KIT: variants seen among roughly 807,000 people sequenced by gnomAD.
KIT encodes the protein mast/stem cell growth factor receptor Kit.
A neutral mutation model predicts 105.7 loss-of-function variants in KIT; 16 were observed. That is an observed-to-expected ratio of 0.15 (90% CI 0.10 to 0.23). The LOEUF is 0.23. Among genes scored for constraint, KIT ranks in the 10% least tolerant of loss-of-function variants. The pLI, the probability that KIT is intolerant of heterozygous loss-of-function variation, is 1.00. For synonymous variants in KIT, 438 were observed against 441.1 expected, an observed-to-expected ratio of 0.99 and a Z score of 0.09; for missense variants, 858 against 1,213.8, an observed-to-expected ratio of 0.71 and a Z score of 4.36.
At chr4:54,715,133 G>C (rs1239077757) in intron 7 of KIT, among the ~76,000 whole-genome samples, 1 of 152,148 alleles carries the variant, frequency 6.6e-6, no homozygotes, top group Non-Finnish European at 1.5e-5. Flanking sequence ...ACCAAAATCA[G>C]CCAAAGCAAT....
chr4:54,658,062 A>G lies in KIT; in HGVS notation c.48A>G (p.Leu16=), dbSNP rs1560366710. 6.2e-7 allele frequency: 1 copy of G among 1,613,778 alleles called. No individual in the cohort carries two copies. The highest frequency in any genetic ancestry group is 8.5e-7 in the Non-Finnish European group (1 of 1,179,852). ...GGGATTTTCTCTGCGTTCTGCTCCT[A>G]CTGCTTCGCGTCCAGACAGGTGGGA... is the stretch of plus-strand genomic sequence containing the variant. ...GAWDFLCVLL[L]LLRVQTGSSQ... The change falls in exon 1 of 21, where the codon CTA becomes CTG. Residue 16 remains leucine (L), a synonymous_variant. Transcript: ENST00000288135.
chr4:54,688,784 C>G (rs1022511558), intron 1 of KIT, among the ~76,000 whole-genome samples: 8 of 151,984 alleles, frequency 5.3e-5, no homozygotes, highest in African/African-American at 1.9e-4. Flanking sequence ...TGGTTAAACA[C>G]TATGTGAACT....
At chr4:54,692,658 T>C (rs914531621) in intron 1 of KIT, among the ~76,000 whole-genome samples, 1 of 152,178 alleles carries the variant, frequency 6.6e-6, no homozygotes, top group African/African-American at 2.4e-5. Context: ...AATAATAGCA[T>C]CTCTATTGCT....
At chr4:54,690,871 A>G (rs1438734974) in intron 1 of KIT, among the ~76,000 whole-genome samples, 2 of 152,376 alleles carry the variant, frequency 1.3e-5, no homozygotes, top group East Asian at 3.9e-4. Flanking sequence ...CAATTTAAAA[A>G]AGAGAATAAA....
chr4:54,708,982 G>A (rs1476611110), intron 6 of KIT, among the ~76,000 whole-genome samples: 2 of 152,118 alleles, frequency 1.3e-5, no homozygotes, highest in East Asian at 3.9e-4. Flanking sequence ...TGAGCAGTGT[G>A]GACCTCGCTG....
chr4:54,734,843 C>T (rs937570041), intron 17 of KIT, among the ~76,000 whole-genome samples: 1 of 152,026 alleles, frequency 6.6e-6, no homozygotes, highest in African/African-American at 2.4e-5. Flanking sequence ...TTTTCAACGC[C>T]TATGATGAAA....
intron 11 of KIT, 72 bp downstream of exon 11, chr4:54,727,614 T>G: frequency 6.3e-7 from 1 of 1,579,750 alleles, no homozygotes; most frequent in Non-Finnish European, 8.7e-7. Flanking sequence ...GGAACTCCAG[T>G]GGCTTCCTTT....
chr4:54,695,996 G>A, intron 2 of KIT: 2 of 605,414 alleles, frequency 3.3e-6, no homozygotes, highest in Non-Finnish European at 2.9e-6. Context: ...GCAGGACTGT[G>A]ATACTCTTCC....
At chr4:54,736,684 C>T in intron 18 of KIT, 37 bp from the exon 19 acceptor site, 1 of 1,605,688 alleles carries the variant, frequency 6.2e-7, no homozygotes, top group African/African-American at 1.3e-5. Context: ...TGTCCTGCTT[C>T]CTTGTGATTA....
chr4:54,727,609 T>C, intron 11 of KIT, 67 bp downstream of exon 11: 9 of 1,583,876 alleles, frequency 5.7e-6, no homozygotes, highest in Non-Finnish European at 7.8e-6. Flanking sequence ...TTTAAGGAAC[T>C]CCAGTGGCTT....
chr4:54,665,845 C>G (rs1234860233), intron 1 of KIT, among the ~76,000 whole-genome samples: 2 of 152,022 alleles, frequency 1.3e-5, no homozygotes, highest in African/African-American at 4.8e-5. Context: ...AACTAAACCC[C>G]AAAGTCACAA....
chr4:54,707,267 T>A lies in KIT; in HGVS notation c.1095T>A (p.Ser365=), dbSNP rs142963781. ...FTDKWEDYPK[S]ENESNIRYVS... is the part of the protein sequence containing the mutation. ...ATAAATGGGAAGATTATCCCAAGTC[T>A]GAGAATGAAAGTAATATCAGGTAAG... Residue 365 remains serine (S), a synonymous_variant, in exon 6 of 21, where the codon TCT becomes TCA. Coordinates refer to ENST00000288135, the MANE Select transcript of KIT (RefSeq NM_000222.3). 76 of 1,611,610 alleles carry A rather than the reference T, an allele frequency of 4.7e-5. No homozygotes were observed. The highest frequency in any genetic ancestry group is 6.1e-5 in the Non-Finnish European group (72 of 1,177,694).
intron 1 of KIT, among the ~76,000 whole-genome samples, chr4:54,679,765 A>G (rs1369549524): frequency 6.6e-6 from 1 of 152,190 alleles, no homozygotes; most frequent in African/African-American, 2.4e-5. Flanking sequence ...AATAATATTA[A>G]TAAAATGTCA....
intron 1 of KIT, among the ~76,000 whole-genome samples, chr4:54,694,599 C>G (rs772018456): frequency 6.6e-6 from 1 of 152,074 alleles, no homozygotes; most frequent in Non-Finnish European, 1.5e-5. Context: ...AGGCTGGTCT[C>G]GAACTCCTAG....
chr4:54,707,427 C>T, intron 6 of KIT, 140 bp downstream of exon 6: 1 of 676,196 alleles, frequency 1.5e-6, no homozygotes. Flanking sequence ...CCTATGTCCT[C>T]ATCCTAGTAT....
At chr4:54,680,187 C>T (rs921256844) in intron 1 of KIT, among the ~76,000 whole-genome samples, 2 of 152,014 alleles carry the variant, frequency 1.3e-5, no homozygotes, top group African/African-American at 2.4e-5. Context: ...CATAGTAAAA[C>T]ATTTCTTAAA....
intron 1 of KIT, among the ~76,000 whole-genome samples, chr4:54,693,865 C>A (rs1022635339): frequency 1.3e-5 from 2 of 152,102 alleles, no homozygotes; most frequent in African/African-American, 4.8e-5. Context: ...TTTGCTTTTT[C>A]ATCCCGCTGA....
At chr4:54,699,604 A>AG (rs775832903) in intron 3 of KIT, 26 bp from the exon 4 acceptor site, 34 of 1,613,176 alleles carry the variant, frequency 2.1e-5, no homozygotes, top group Non-Finnish European at 2.5e-5. Flanking sequence ...AAATTATTTG[A>AG]GGGGCCACAT....
chr4:54,663,895 A>G (rs1017461789), intron 1 of KIT, among the ~76,000 whole-genome samples: 1 of 152,222 alleles, frequency 6.6e-6, no homozygotes. Context: ...AATGGTCAGT[A>G]AACATTTTGG....
Sources: allele counts gnomAD v4.1 joint callset (sites outside exome capture counted in the v4.1 genomes callset), GRCh38; gene constraint gnomAD v4.1.1; transcripts MANE v1.5; gene names NCBI Gene and HGNC (gene_info 2026-07-23, HGNC 2026-07-21).